Variants in SIL1 observed in about 807,000 individuals in gnomAD.
SIL1 encodes the protein nucleotide exchange factor SIL1.
A neutral mutation model predicts 49.1 loss-of-function variants in SIL1; 40 were observed. The observed-to-expected ratio is 0.81, with a 90% CI of 0.63 to 1.06. The LOEUF is 1.06. Among genes scored for constraint, SIL1 ranks in the 50% least tolerant of loss-of-function variants. The pLI is 0.00. For synonymous variants in SIL1, 253 were observed against 250.8 expected, an observed-to-expected ratio of 1.01 and a Z score of -0.08; for missense variants, 500 against 572.6, an observed-to-expected ratio of 0.87 and a Z score of 1.29.
chr5:139,014,820 C>T (rs1264478478), intron 7 of SIL1, among the ~76,000 whole-genome samples: 1 of 152,188 alleles, frequency 6.6e-6, no homozygotes, highest in African/African-American at 2.4e-5. Context: ...TCTCCTGTCA[C>T]TATAAGAGTG....
At chr5:139,151,905 G>A (rs1008181966) in intron 1 of SIL1, among the ~76,000 whole-genome samples, 5 of 152,212 alleles carry the variant, frequency 3.3e-5, no homozygotes, top group Admixed American at 6.5e-5. Context: ...CTTGCAGGGA[G>A]AAAAGGCAAA....
intron 5 of SIL1, among the ~76,000 whole-genome samples, chr5:139,030,159 A>G (rs534407169): frequency 1.2e-4 from 19 of 152,018 alleles, no homozygotes; most frequent in Non-Finnish European, 2.5e-4. Flanking sequence ...TCTACAAAAA[A>G]CACAAAAATT....
chr5:139,010,662 T>C lies in SIL1; in HGVS notation c.767+10509A>G, dbSNP rs1420275588. On this transcript the variant is annotated intron_variant, in intron 7 of 9. Coordinates refer to ENST00000394817, the MANE Select transcript of SIL1 (RefSeq NM_022464.5). ...TTTTGGTGTGGATGTCCTTTCTGTT[T>C]GTTAGTTTTCCTTCTAACAGACAGG... is the stretch of plus-strand genomic sequence containing the variant. Among the ~76,000 whole-genome samples the C allele has an allele frequency of 2.1e-3, 311 of 149,522 alleles. 1 individual carries two copies. The highest frequency in any genetic ancestry group is 7.2e-3 in the African/African-American group (296 of 41,062).
chr5:139,168,752 T>G (rs1751674116), intron 1 of SIL1, among the ~76,000 whole-genome samples: 1 of 152,006 alleles, frequency 6.6e-6, no homozygotes, highest in Admixed American at 6.6e-5. Flanking sequence ...GGCAGATCGC[T>G]TGAACCCAGG....
At chr5:139,104,818 C>T (rs1770664711) in intron 3 of SIL1, among the ~76,000 whole-genome samples, 1 of 152,190 alleles carries the variant, frequency 6.6e-6, no homozygotes, top group South Asian at 2.1e-4. Flanking sequence ...CAGCAGTAGG[C>T]ACATGGCAAG....
rs1360274307 is a variant in SIL1, at chr5:139,026,955, A to G, written c.491T>C (p.Ile164Thr). ...QAEVKRLFRP[I>T]EELKKDFDEL... The stretch of plus-strand genomic sequence containing the variant: ...ATCAAAGTCTTTCTTCAGTTCCTCA[A>G]TGGGGCGGAAGAGCCGCTTTACCTC... Residue 164 changes from isoleucine (I) to threonine (T), a missense_variant, in exon 6 of 10, where the codon ATT (isoleucine) becomes ACT (threonine). Physicochemically the swap from Ile to Thr is moderately conservative, Grantham distance 89 (BLOSUM62 -1). Transcript: ENST00000394817. 1.9e-6 allele frequency: 3 copies of G among 1,614,062 alleles called. No homozygotes were observed. In the African/African-American group the frequency reaches 4.0e-5, roughly 22 times the overall value.
intron 3 of SIL1, among the ~76,000 whole-genome samples, chr5:139,102,009 A>G (rs1270898794): frequency 6.6e-6 from 1 of 152,254 alleles, no homozygotes; most frequent in Non-Finnish European, 1.5e-5. Flanking sequence ...ATGCTGGGTG[A>G]AAAGAATCAG....
intron 1 of SIL1, among the ~76,000 whole-genome samples, chr5:139,180,831 C>T (rs1751970069): frequency 6.6e-6 from 1 of 152,134 alleles, no homozygotes; most frequent in Admixed American, 6.5e-5. Context: ...CTCCATCACA[C>T]CATCAGAAAG....
In SIL1 at chr5:139,021,322, T is replaced by C. The variant is rs759742468; in HGVS notation, c.646-30A>G. 4 of 1,613,470 alleles carry C rather than the reference T, an allele frequency of 2.5e-6. No homozygotes were observed. The South Asian group carries it at 4.4e-5, about 18-fold the overall frequency. Reference sequence around the variant, plus strand: ...AACAGAGCCACTGCTTAGTACAGCATAGCCATCAGGGACAGGAAAGCTGTT... The same window carrying C: ...AACAGAGCCACTGCTTAGTACAGCACAGCCATCAGGGACAGGAAAGCTGTT... On this transcript the variant is annotated intron_variant, in intron 6 of 9. Coordinates refer to ENST00000394817, the MANE Select transcript of SIL1 (RefSeq NM_022464.5).
At chr5:139,037,031 G>A (rs1316412942) in intron 5 of SIL1, among the ~76,000 whole-genome samples, 2 of 151,830 alleles carry the variant, frequency 1.3e-5, no homozygotes, top group Non-Finnish European at 2.9e-5. Context: ...GTCTGCTGGT[G>A]AGAAATTTTC....
Position 139,032,286 on chromosome 5 carries a change from T to TTG in SIL1, c.454-5295_454-5294insCA, listed in dbSNP as rs1768810969. ...AGTTATCATGAATGGGTACTGAATATGGTCAAATGCTCTTTGTGTATTAAC... is the reference window on the plus strand; with the variant it reads ...AGTTATCATGAATGGGTACTGAATATTGGGTCAAATGCTCTTTGTGTATTAAC... On this transcript the variant is annotated intron_variant, in intron 5 of 9. Coordinates refer to ENST00000394817, the MANE Select transcript of SIL1 (RefSeq NM_022464.5). Among the ~76,000 whole-genome samples the TTG allele has an allele frequency of 2.0e-5, 3 of 152,224 alleles. 1 individual carries two copies. Among genetic ancestry groups the TTG allele is most frequent in the Admixed American group, 2.0e-4 (3 of 15,288 alleles).
intron 7 of SIL1, among the ~76,000 whole-genome samples, chr5:138,985,012 C>T (rs567657947): frequency 9.2e-5 from 14 of 152,202 alleles, no homozygotes; most frequent in African/African-American, 2.9e-4. Flanking sequence ...CTAGAGGGGC[C>T]GAGGTAATGG....
intron 9 of SIL1, among the ~76,000 whole-genome samples, chr5:138,950,558 G>T (rs1213063769): frequency 6.6e-6 from 1 of 152,214 alleles, no homozygotes; most frequent in Non-Finnish European, 1.5e-5. Context: ...CCCGAGAGAG[G>T]CAACTGAGGA....
At chr5:139,054,153 C>T (rs140584217) in intron 3 of SIL1, among the ~76,000 whole-genome samples, 10 of 152,250 alleles carry the variant, frequency 6.6e-5, no homozygotes, top group African/African-American at 1.9e-4. Flanking sequence ...TGGTGGCTCA[C>T]ACCTGTAATT....
intron 7 of SIL1, among the ~76,000 whole-genome samples, chr5:139,005,532 A>G (rs1262108711): frequency 7.2e-6 from 1 of 139,540 alleles, no homozygotes; most frequent in African/African-American, 2.7e-5. Flanking sequence ...TACATGTGCC[A>G]TGCTGGTGCG....
At chr5:139,091,749 GGCCAAC>G (rs1029122347) in intron 3 of SIL1, among the ~76,000 whole-genome samples, 31 of 152,324 alleles carry the variant, frequency 2.0e-4, no homozygotes, top group African/African-American at 7.2e-4. Context: ...GACACAGGCT[GGCCAAC>G]ACCCTGGTTT....
At chr5:139,001,949 G>A (rs1025133666) in intron 7 of SIL1, among the ~76,000 whole-genome samples, 7 of 151,336 alleles carry the variant, frequency 4.6e-5, no homozygotes, top group East Asian at 1.9e-4. Context: ...GATGGCTCAC[G>A]GCTGTAATCC....
chr5:139,039,744 G>A (rs1181769307), intron 5 of SIL1, among the ~76,000 whole-genome samples: 1 of 152,036 alleles, frequency 6.6e-6, no homozygotes, highest in Non-Finnish European at 1.5e-5. Flanking sequence ...ATCTTGCCAA[G>A]AATCAAAAGC....
chr5:139,152,914 G>C (rs1052992897), intron 1 of SIL1, among the ~76,000 whole-genome samples: 2 of 152,164 alleles, frequency 1.3e-5, no homozygotes, highest in South Asian at 4.1e-4. Context: ...TGCATCCCAG[G>C]TTCAAGGGAT....
Sources: allele counts gnomAD v4.1 joint callset (sites outside exome capture counted in the v4.1 genomes callset), GRCh38; gene constraint gnomAD v4.1.1; transcripts MANE v1.5; gene names NCBI Gene and HGNC (gene_info 2026-07-23, HGNC 2026-07-21).